Variants in PIGX observed in about 807,000 individuals in gnomAD.
The protein encoded by PIGX is phosphatidylinositol glycan anchor biosynthesis class X.
PIGX carries 24 observed loss-of-function variants against 28.7 expected under a neutral mutation model. The ratio of observed to expected loss-of-function variants is 0.84; its 90% confidence interval spans 0.60 to 1.17. PIGX has a LOEUF of 1.17. PIGX is among the 50% of genes most tolerant of loss of function. PIGX has a pLI of 0.00. For synonymous variants in PIGX, 127 were observed against 121.0 expected, an observed-to-expected ratio of 1.05 and a Z score of -0.33; for missense variants, 305 against 317.8, an observed-to-expected ratio of 0.96 and a Z score of 0.31.
intron 1 of PIGX, among the ~76,000 whole-genome samples, chr3:196,715,586 T>G (rs1161539297): frequency 6.6e-6 from 1 of 152,242 alleles, no homozygotes; most frequent in East Asian, 1.9e-4. Flanking sequence ...ATCATTTTTC[T>G]TAATGCATCT....
rs952969735 is a variant in PIGX, at chr3:196,713,011, C to T, written c.112+367C>T. 4.0e-6 allele frequency: 4 copies of T among 990,866 alleles called. No individual in the cohort carries two copies. In the East Asian group the frequency reaches 4.4e-4, roughly 109 times the overall value. 61.4% of individuals were successfully genotyped at this position (990,866 alleles called of 1,614,324 possible). On this transcript the variant is annotated intron_variant, in intron 1 of 5. Coordinates refer to ENST00000392391, the MANE Select transcript of PIGX (RefSeq NM_017861.4). ...TTAGCGCCCTGTGAGGCCTGAGAAT[C>T]CCCAAACTGAATGTAGGACTCCGTG...
chr3:196,715,114 C>T (rs1051651735), intron 1 of PIGX, among the ~76,000 whole-genome samples: 1 of 151,978 alleles, frequency 6.6e-6, no homozygotes, highest in East Asian at 1.9e-4. Context: ...AAAAAAAGAA[C>T]AAATAAAAAT....
In PIGX at chr3:196,730,999, G is replaced by A. The variant is rs78867326; in HGVS notation, c.540G>A (p.Pro180=). 5.6e-6 allele frequency: 9 copies of A among 1,606,044 alleles called. No homozygotes were observed. Among genetic ancestry groups the A allele is most frequent in the Middle Eastern group, 1.7e-4 (1 of 6,034 alleles). Residue 180 remains proline, a synonymous_variant, in exon 5 of 6, where the codon CCG becomes CCA. Coordinates refer to ENST00000392391, the MANE Select transcript of PIGX (RefSeq NM_017861.4). ...TTCTACCACTTTTCTCAGAGTTCCC[G>A]ATTTTGAAATGCTGGGCTCACTCAG...
chr3:196,731,041 T>A lies in PIGX; in HGVS notation c.582T>A (p.Cys194Ter). 1 of 1,612,202 alleles carries A rather than the reference T, an allele frequency of 6.2e-7. No homozygotes were observed. Among genetic ancestry groups the A allele is most frequent in the Non-Finnish European group, 8.5e-7 (1 of 1,178,318 alleles). The change falls in exon 5 of 6, where the codon TGT becomes TGA. Residue 194 changes from cysteine to a stop codon, truncating the protein, a stop_gained. Coordinates refer to ENST00000392391, the MANE Select transcript of PIGX (RefSeq NM_017861.4). LOFTEE classifies it high-confidence loss of function. ...CTCACTCAGAAGTGGCAGCCCCTTG[T>A]GCTTTGGAGAATGAGGATATCTGCC...
chr3:196,712,651 G>A lies in PIGX; in HGVS notation c.112+7G>A. On this transcript the variant is annotated splice_region_variant and intron_variant, in intron 1 of 5. Coordinates refer to ENST00000392391, the MANE Select transcript of PIGX (RefSeq NM_017861.4). ...GCCGCGCGCTCTGACGCCGGTAAGGGGGGCGGGGCTTGGGGGGCCAGAGCG... is the reference window on the plus strand; with the variant it reads ...GCCGCGCGCTCTGACGCCGGTAAGGAGGGCGGGGCTTGGGGGGCCAGAGCG... 1 of 1,187,548 alleles carries A rather than the reference G, an allele frequency of 8.4e-7. No homozygotes were observed. The highest frequency in any genetic ancestry group is 1.6e-5 in the African/African-American group (1 of 62,768). 73.6% of individuals were successfully genotyped at this position (1,187,548 alleles called of 1,614,324 possible).
intron 2 of PIGX, chr3:196,717,665 A>T (rs1225567171): frequency 1.3e-5 from 2 of 152,150 alleles, no homozygotes; most frequent in East Asian, 3.9e-4. Context: ...TATTTTTCAG[A>T]TGAGGGAGGT....
Position 196,716,921 on chromosome 3 carries a change from G to C in PIGX, c.176G>C (p.Arg59Thr). Residue 59 changes from arginine to threonine, a missense_variant and splice_region_variant, in exon 2 of 6, where the codon AGA becomes ACA. Physicochemically the swap from Arg to Thr is moderately conservative, Grantham distance 71 (BLOSUM62 -1). Transcript: ENST00000392391. ...GAAGTTTTGAAAGATGGTTTCCACA[G>C]GTAAGTTGCCTGTTGATTTCTATTT... 6.4e-7 allele frequency: 1 copy of C among 1,574,284 alleles called. No individual in the cohort carries two copies. Among genetic ancestry groups the C allele is most frequent in the East Asian group, 2.2e-5 (1 of 44,580 alleles).
rs1176280718 is a variant in PIGX at position 196,732,244 on chromosome 3, A to T, written c.633+1152A>T. Among the ~76,000 whole-genome samples the T allele has an allele frequency of 1.7e-3, 53 of 31,924 alleles. 4 individuals are homozygous for T. Among genetic ancestry groups the T allele is most frequent in the African/African-American group, 5.3e-3 (34 of 6,398 alleles). 20.9% of individuals were successfully genotyped at this position (31,924 alleles called of 152,430 possible). On this transcript the variant is annotated intron_variant, in intron 5 of 5. Transcript: ENST00000392391. The stretch of plus-strand genomic sequence containing the variant: ...TATATATATATATATATATATATAT[A>T]TATATATATATATTTTATTTTATTT...
chr3:196,726,734 C>T, intron 3 of PIGX: 1 of 454,472 alleles, frequency 2.2e-6, no homozygotes, highest in South Asian at 1.6e-5. Context: ...GAATTTATTG[C>T]AGACATTGTA....
intron 5 of PIGX, among the ~76,000 whole-genome samples, chr3:196,732,443 G>A (rs1484456808): frequency 2.0e-5 from 3 of 149,974 alleles, no homozygotes; most frequent in African/African-American, 7.4e-5. Context: ...CACCATGCCT[G>A]GATAATTTTT....
Position 196,734,019 on chromosome 3 carries a change from A to G in PIGX, c.*117A>G, listed in dbSNP as rs933942490. On this transcript the variant is annotated 3_prime_UTR_variant, in exon 6 of 6. Transcript: ENST00000392391. ...TTTGTCTTCATTTGTGGCCAAAATT[A>G]TGTTTACTAGAGGAAATTTGGGATC... 22 of 699,866 alleles carry G rather than the reference A, an allele frequency of 3.1e-5. No individual in the cohort carries two copies. Among genetic ancestry groups the G allele is most frequent in the East Asian group, 2.3e-4 (9 of 38,306 alleles). 43.4% of individuals were successfully genotyped at this position (699,866 alleles called of 1,614,324 possible).
In PIGX at chr3:196,733,681, G is replaced by A. The variant is rs956178149; in HGVS notation, c.634-78G>A. The A allele has an allele frequency of 9.2e-7, 1 of 1,083,826 alleles. No homozygotes were observed. Among genetic ancestry groups the A allele is most frequent in the Non-Finnish European group, 1.4e-6 (1 of 722,258 alleles). 67.1% of individuals were successfully genotyped at this position (1,083,826 alleles called of 1,614,324 possible). A position where few individuals can be genotyped will look rare whatever the true frequency, so the allele number is the denominator to read the frequency against. On this transcript the variant is annotated intron_variant, in intron 5 of 5. Transcript: ENST00000392391. This position sits in a 1 kb window ranked among gnomAD's most constrained non-coding sequence, Gnocchi z 4.3. ...GCCCGCCTTGGCCTCCCGAAGTGCT[G>A]GGATTACAGGCATGAGCTACCACAC... is the stretch of plus-strand genomic sequence containing the variant.
In PIGX at chr3:196,731,033, G is replaced by GC. The variant is rs1303890054; in HGVS notation, c.578dup (p.Cys194LeufsTer6). ...ATGCTGGGCTCACTCAGAAGTGGCA[G>GC]CCCCTTGTGCTTTGGAGAATGAGGA... is the stretch of plus-strand genomic sequence containing the variant. On this transcript the variant is annotated frameshift_variant, in exon 5 of 6. Coordinates refer to ENST00000392391, the MANE Select transcript of PIGX (RefSeq NM_017861.4). LOFTEE classifies it high-confidence loss of function. 1.2e-6 allele frequency: 2 copies of GC among 1,611,882 alleles called. No homozygotes were observed. Among genetic ancestry groups the GC allele is most frequent in the Admixed American group, 1.7e-5 (1 of 59,992 alleles).
chr3:196,720,964 T>C lies in PIGX; in HGVS notation c.177-1451T>C, dbSNP rs1432022251. Among the ~76,000 whole-genome samples, 4 of 152,254 alleles carry C rather than the reference T, an allele frequency of 2.6e-5. No homozygotes were observed. The East Asian group carries it at 7.7e-4, about 29-fold the overall frequency. On this transcript the variant is annotated intron_variant, in intron 2 of 5. Transcript: ENST00000392391. ...TCCATTATCTTCTAGCTTATTCTTA[T>C]CTTTGTTAATCTCTCCATCATTATT...
chr3:196,717,244 T>C (rs1712134127), intron 2 of PIGX, among the ~76,000 whole-genome samples: 1 of 144,322 alleles, frequency 6.9e-6, no homozygotes. Context: ...GAGATTGTGG[T>C]GAGCCGAGAT....
intron 3 of PIGX, chr3:196,726,684 G>A: frequency 2.2e-6 from 1 of 456,558 alleles, no homozygotes; most frequent in South Asian, 1.5e-5. Flanking sequence ...GGCTATGGTT[G>A]CCTTCTGATA....
At chr3:196,732,788 G>A (rs1403642829) in intron 5 of PIGX, among the ~76,000 whole-genome samples, 1 of 152,108 alleles carries the variant, frequency 6.6e-6, no homozygotes, top group Non-Finnish European at 1.5e-5. Context: ...GTATTCCCAA[G>A]TTACGTACAT....
intron 4 of PIGX, chr3:196,728,707 TC>T: frequency 1.3e-6 from 1 of 766,428 alleles, no homozygotes; most frequent in Non-Finnish European, 2.4e-6. Context: ...GGCAGCTGGC[TC>T]CAGAAGAATG....
chr3:196,721,829 T>C (rs1471572357), intron 2 of PIGX, among the ~76,000 whole-genome samples: 1 of 152,096 alleles, frequency 6.6e-6, no homozygotes, highest in Non-Finnish European at 1.5e-5. Context: ...CTTGGTTCAT[T>C]GCACCCTCCA....
Sources: gnomAD v4.1 joint callset for allele counts (sites outside exome capture counted in the v4.1 genomes callset) on GRCh38, gnomAD v4.1.1 for gene constraint, Gnocchi (gnomAD v3.1) non-coding constraint, MANE v1.5 for transcripts, NCBI Gene and HGNC (gene_info 2026-07-23, HGNC 2026-07-21) for gene names.